COCH: variants seen among roughly 807,000 people sequenced by gnomAD.
COCH encodes coagulation factor C homolog, cochlin (Limulus polyphemus).
Under a neutral mutation model 54.8 loss-of-function variants are expected in COCH, and 40 were observed. The ratio of observed to expected loss-of-function variants is 0.73; its 90% CI spans 0.57 to 0.95. The LOEUF is 0.95. COCH is among the 40% of genes least tolerant of loss of function. The pLI is 0.00. For synonymous variants in COCH, 256 were observed against 237.9 expected (o/e 1.08, Z -0.70); for missense variants, 605 against 675.0 (o/e 0.90, Z 1.15).
intron 3 of COCH, chr14:30,875,426 G>C: frequency 3.4e-6 from 2 of 596,384 alleles, no homozygotes; most frequent in Non-Finnish European, 5.9e-6. Flanking sequence ...GTCGAGGAAG[G>C]AGGACTCCTT....
chr14:30,881,085 T>C (rs1328541523), intron 8 of COCH, among the ~76,000 whole-genome samples: 1 of 151,880 alleles, frequency 6.6e-6, no homozygotes, highest in Non-Finnish European at 1.5e-5. Context: ...TGTGGTGGCA[T>C]GCACCTGTAA....
At chr14:30,879,344 T>C in intron 5 of COCH, 79 bp from the exon 6 acceptor site, 1 of 1,386,776 alleles carries the variant, frequency 7.2e-7, no homozygotes, top group South Asian at 1.2e-5. Flanking sequence ...TTTGTCATTG[T>C]AGAGAGCTCT....
At chr14:30,876,685 T>A (rs142247487) in intron 3 of COCH, 52 of 152,326 alleles carry the variant, frequency 3.4e-4, no homozygotes, top group African/African-American at 1.2e-3. Context: ...AAGGAAAGGA[T>A]GGCTTTGATT....
In COCH at chr14:30,877,783, CCTG is replaced by C; in HGVS notation, c.239+58_239+60del. ...AAATGCAGACGTGATTATTTCCTTT[CCTG>C]CTTTACCCATCTGGATCCCTTTCCT... is the stretch of plus-strand genomic sequence containing the variant. On this transcript the variant is annotated intron_variant, in intron 4 of 11. Transcript: ENST00000396618. The surrounding 1 kb of genome is among the most constrained non-coding windows in gnomAD (Gnocchi z 8.6). The C allele has an allele frequency of 6.2e-7, 1 of 1,610,598 alleles. No homozygotes were observed. The highest frequency in any genetic ancestry group is 1.1e-5 in the South Asian group (1 of 90,872).
At position 30,886,329 on chromosome 14, in the gene COCH, T is replaced by C; in HGVS notation, c.1477+17T>C. ...ATGATGCAGGTAAGGTCCTTGTTCT[T>C]TATAGGAGAAGGGAACAGAAAAAAC... On this transcript the variant is annotated intron_variant, in intron 11 of 11. Coordinates refer to ENST00000396618, the MANE Select transcript of COCH (RefSeq NM_004086.3). 2 of 1,613,722 alleles carry C rather than the reference T, an allele frequency of 1.2e-6. No homozygotes were observed. The highest frequency in any genetic ancestry group is 1.7e-6 in the Non-Finnish European group (2 of 1,179,794).
chr14:30,887,373 G>A (rs1264689678), intron 11 of COCH, among the ~76,000 whole-genome samples: 5 of 149,754 alleles, frequency 3.3e-5, no homozygotes, highest in African/African-American at 9.7e-5. Flanking sequence ...CAGCCTGGGC[G>A]ACAGAGTGAG....
At position 30,885,918 on chromosome 14, in the gene COCH, C is replaced by G. The variant is rs371011287; in HGVS notation, c.1083C>G (p.Thr361=). The G allele has an allele frequency of 2.5e-6, 4 of 1,614,078 alleles. No homozygotes were observed. In the African/African-American group the frequency reaches 5.3e-5, roughly 22 times the overall value. ...CTHEQMMCSK[T]CYNSVNIAFL... ...ATGAACAAATGATGTGCAGCAAGACCTGTTATAACTCAGTGAACATTGCCT... is the reference window on the plus strand; with the variant it reads ...ATGAACAAATGATGTGCAGCAAGACGTGTTATAACTCAGTGAACATTGCCT... Residue 361 remains threonine (T), a synonymous_variant, in exon 11 of 12, where the codon ACC becomes ACG. Coordinates refer to ENST00000396618, the MANE Select transcript of COCH (RefSeq NM_004086.3).
At chr14:30,874,869 G>A in intron 1 of COCH, 47 bp from the exon 2 acceptor site, 1 of 1,570,742 alleles carries the variant, frequency 6.4e-7, no homozygotes, top group Admixed American at 1.7e-5. Context: ...GGTGACGCGC[G>A]GGGCCTCCCG....
Position 30,877,589 on chromosome 14 carries a change from T to C in COCH, c.100T>C (p.Cys34Arg). Residue 34 changes from cysteine to arginine, a missense_variant, in exon 4 of 12, where the codon TGT (cysteine) becomes CGT (arginine). Cys to Arg is a radical substitution (Grantham distance 180, BLOSUM62 -3). Coordinates refer to ENST00000396618, the MANE Select transcript of COCH (RefSeq NM_004086.3). The surrounding 1 kb of genome is among the most constrained non-coding windows in gnomAD (Gnocchi z 8.6). ...TTCTTCAGCTCCCATTGCTATCACA[T>C]GTTTTACCAGAGGCTTGGACATCAG... is the stretch of plus-strand genomic sequence containing the variant. ...SEGAAPIAIT[C>R]FTRGLDIRKE... is the part of the protein sequence containing the mutation. 1.9e-6 allele frequency: 3 copies of C among 1,614,200 alleles called. No homozygotes were observed. The highest frequency in any genetic ancestry group is 8.5e-7 in the Non-Finnish European group (1 of 1,180,022).
At chr14:30,879,554 T>G in intron 6 of COCH, 69 bp downstream of exon 6, 1 of 1,510,080 alleles carries the variant, frequency 6.6e-7, no homozygotes, top group Non-Finnish European at 9.2e-7. Flanking sequence ...AAACGTGTTG[T>G]TGGTAGAAGC....
At chr14:30,884,133 G>T (rs533954380) in intron 8 of COCH, among the ~76,000 whole-genome samples, 1 of 152,142 alleles carries the variant, frequency 6.6e-6, no homozygotes, top group Non-Finnish European at 1.5e-5. Context: ...AGCCAAGCCC[G>T]ATTTCAAGTT....
chr14:30,882,283 C>T (rs1173319618), intron 8 of COCH, among the ~76,000 whole-genome samples: 1 of 151,648 alleles, frequency 6.6e-6, no homozygotes, highest in Non-Finnish European at 1.5e-5. Context: ...GTGTGCACTA[C>T]TACGCCTGGC....
chr14:30,889,217 G>C (rs1468829298), intron 11 of COCH: 1 of 244,142 alleles, frequency 4.1e-6, no homozygotes, highest in African/African-American at 2.3e-5. Context: ...GTTTGATGCA[G>C]GCCAACCTCA....
rs950113224 is a variant in COCH, at chr14:30,879,593, G to A, written c.436+108G>A. The A allele has an allele frequency of 6.2e-6, 7 of 1,121,914 alleles. No homozygotes were observed. The African/African-American group carries it at 9.2e-5, about 15-fold the overall frequency. The allele number at this position is 1,121,914 out of a possible 1,614,324, so 69.5% of individuals were successfully genotyped here. A position where few individuals can be genotyped will look rare whatever the true frequency, so the allele number is the denominator to read the frequency against. ...TCTTAAAGAAATTTGATATTAAAGA[G>A]AAACAAAGCAAATACCTTAAGTTTA... On this transcript the variant is annotated intron_variant, in intron 6 of 11. Transcript: ENST00000396618.
downstream of COCH, among the ~76,000 whole-genome samples, chr14:30,892,637 G>C (rs1010150609): frequency 6.6e-6 from 1 of 152,052 alleles, no homozygotes; most frequent in African/African-American, 2.4e-5. Flanking sequence ...GTAAAGCCCT[G>C]TCTCTACTAA....
chr14:30,895,597 A>T, downstream of COCH: 5 of 1,610,292 alleles, frequency 3.1e-6, no homozygotes, highest in Non-Finnish European at 4.2e-6. Flanking sequence ...AAGAACAAAT[A>T]AAATTTGTTA....
intron 6 of COCH, among the ~76,000 whole-genome samples, chr14:30,880,113 TG>T (rs1379215687): frequency 6.6e-6 from 1 of 152,230 alleles, no homozygotes; most frequent in Non-Finnish European, 1.5e-5. Context: ...GTGTGTCTAT[TG>T]TAAGAAATAG....
downstream of COCH, among the ~76,000 whole-genome samples, chr14:30,893,117 A>G (rs1279098304): frequency 1.4e-5 from 2 of 144,822 alleles, no homozygotes; most frequent in Non-Finnish European, 3.1e-5. Context: ...TTGAAATGGC[A>G]AAAACCACAA....
rs1002128973 is a variant in COCH at position 30,882,000 on chromosome 14, T to A, written c.629+1266T>A. ...ATAAAAATAAATAAATAAATAAATA[T>A]TTATTTATTAATTGCTTTTAGAAAT... On this transcript the variant is annotated intron_variant, in intron 8 of 11. Coordinates refer to ENST00000396618, the MANE Select transcript of COCH (RefSeq NM_004086.3). Among the ~76,000 whole-genome samples, 62 of 150,506 alleles carry A rather than the reference T, an allele frequency of 4.1e-4. 1 individual carries two copies. Among genetic ancestry groups the A allele is most frequent in the African/African-American group, 1.5e-3 (60 of 41,096 alleles).
Sources: gnomAD v4.1 joint callset for allele counts (sites outside exome capture counted in the v4.1 genomes callset) on GRCh38, gnomAD v4.1.1 for gene constraint, Gnocchi (gnomAD v3.1) non-coding constraint, MANE v1.5 for transcripts, NCBI Gene and HGNC (gene_info 2026-07-23, HGNC 2026-07-21) for gene names.